TMEM266: variants seen among roughly 807,000 people sequenced by gnomAD.
TMEM266 encodes the protein transmembrane protein 266.
Under a neutral mutation model 50.5 loss-of-function variants are expected in TMEM266, and 33 were observed. The observed-to-expected ratio is 0.65, with a 90% CI of 0.50 to 0.87. The LOEUF (loss-of-function observed/expected upper bound fraction) is 0.87, where lower values mean the gene tolerates loss of function less well. Among genes scored for constraint, TMEM266 ranks in the 40% least tolerant of loss-of-function variants. The pLI is 0.00. For synonymous variants in TMEM266, 310 were observed against 292.3 expected, an observed-to-expected ratio of 1.06 and a Z score of -0.62; for missense variants, 655 against 695.1, an observed-to-expected ratio of 0.94 and a Z score of 0.65.
intron 9 of TMEM266, 29 bp downstream of exon 9, chr15:76,192,186 AGT>A: frequency 7.2e-7 from 1 of 1,388,208 alleles, no homozygotes. Context: ...CCGGCCCCAG[AGT>A]GTCACGGCCG....
chr15:76,144,257 C>G (rs1299871690), intron 3 of TMEM266, among the ~76,000 whole-genome samples: 1 of 152,076 alleles, frequency 6.6e-6, no homozygotes, highest in African/African-American at 2.4e-5. Flanking sequence ...TTTTAACAAG[C>G]ACCTACGTCT....
chr15:76,153,245 A>G lies in TMEM266; in HGVS notation c.228-3359A>G, dbSNP rs1258984965. ...CTCCTGTTGATAGGGAACTGAATAT[A>G]TGGAACTAGTGCTCCTGAATACAAT... On this transcript the variant is annotated intron_variant, in intron 3 of 10. Coordinates refer to ENST00000388942, the MANE Select transcript of TMEM266 (RefSeq NM_152335.3). The surrounding 1 kb of genome is among the most constrained non-coding windows in gnomAD (Gnocchi z 4.2). 2.6e-5 allele frequency among the ~76,000 whole-genome samples: 4 copies of G among 152,150 alleles called. No individual in the cohort carries two copies. Among genetic ancestry groups the G allele is most frequent in the African/African-American group, 9.7e-5 (4 of 41,430 alleles).
intron 1 of TMEM266, among the ~76,000 whole-genome samples, chr15:76,130,394 A>G (rs1384916363): frequency 6.7e-6 from 1 of 149,500 alleles, no homozygotes; most frequent in Non-Finnish European, 1.5e-5. Flanking sequence ...AAAAAAAATT[A>G]GCTGGGCATG....
chr15:76,090,059 G>A (rs1220386353), intron 1 of TMEM266, among the ~76,000 whole-genome samples: 2 of 152,156 alleles, frequency 1.3e-5, no homozygotes, highest in Admixed American at 6.5e-5. Flanking sequence ...TGAAATTCGT[G>A]TGTGACATTT....
intron 1 of TMEM266, among the ~76,000 whole-genome samples, chr15:76,085,210 C>T (rs1334354812): frequency 4.6e-5 from 7 of 151,560 alleles, no homozygotes; most frequent in Middle Eastern, 3.2e-3. Context: ...CTGCCCATCT[C>T]GGCCTCCCAA....
intron 1 of TMEM266, among the ~76,000 whole-genome samples, chr15:76,131,113 AT>A (rs2037504190): frequency 6.6e-6 from 1 of 152,312 alleles, no homozygotes; most frequent in South Asian, 2.1e-4. Context: ...ATGGTGTCTC[AT>A]GCCTGTAATC....
chr15:76,181,305 T>C (rs1315902424), intron 8 of TMEM266: 1 of 152,256 alleles, frequency 6.6e-6, no homozygotes, highest in East Asian at 1.9e-4. Context: ...GCTTCACTGC[T>C]TCCCTCATTC....
intron 1 of TMEM266, among the ~76,000 whole-genome samples, chr15:76,120,181 A>G (rs2142018454): frequency 6.6e-6 from 1 of 152,250 alleles, no homozygotes; most frequent in African/African-American, 2.4e-5. Context: ...TGTGTACAAG[A>G]ATGTTTCTAA....
intron 8 of TMEM266, among the ~76,000 whole-genome samples, chr15:76,184,511 A>C (rs2038466148): frequency 6.6e-6 from 1 of 152,244 alleles, no homozygotes; most frequent in South Asian, 2.1e-4. Context: ...ACTAATGGAA[A>C]TAAACATTGG....
At chr15:76,130,753 G>A (rs1326191048) in intron 1 of TMEM266, among the ~76,000 whole-genome samples, 1 of 152,102 alleles carries the variant, frequency 6.6e-6, no homozygotes, top group African/African-American at 2.4e-5. Context: ...TTGGGTGGTG[G>A]GGAATTAGAG....
At chr15:76,195,314 C>A (rs991529060) in intron 9 of TMEM266, among the ~76,000 whole-genome samples, 1 of 152,128 alleles carries the variant, frequency 6.6e-6, no homozygotes, top group Non-Finnish European at 1.5e-5. Flanking sequence ...ATCTTCAAGC[C>A]GGTAACTGAT....
At chr15:76,092,020 A>G (rs959625277) in intron 1 of TMEM266, among the ~76,000 whole-genome samples, 2 of 151,226 alleles carry the variant, frequency 1.3e-5, no homozygotes, top group Non-Finnish European at 3.0e-5. Context: ...GAAAAGAAAA[A>G]CCTATGGCAA....
rs1428847265 is a variant in TMEM266 at position 76,202,233 on chromosome 15, C to T, written c.990C>T (p.Tyr330=). 2 of 1,613,952 alleles carry T rather than the reference C, an allele frequency of 1.2e-6. No homozygotes were observed. Among genetic ancestry groups the T allele is most frequent in the Admixed American group, 1.7e-5 (1 of 60,006 alleles). The change falls in exon 10 of 11, where the codon TAC becomes TAT. Residue 330 remains tyrosine, a synonymous_variant. Coordinates refer to ENST00000388942, the MANE Select transcript of TMEM266 (RefSeq NM_152335.3). ...CGATGAAGGACGACATGAACAGCTA[C>T]ATCAGTCAGTATTACAATGGGCCCA...
At chr15:76,097,603 T>C (rs1284069177) in intron 1 of TMEM266, among the ~76,000 whole-genome samples, 1 of 151,912 alleles carries the variant, frequency 6.6e-6, no homozygotes, top group East Asian at 1.9e-4. Flanking sequence ...GGAGTATCTT[T>C]GTGGTGTTCT....
chr15:76,194,387 CT>C (rs1249689143), intron 9 of TMEM266, among the ~76,000 whole-genome samples: 4 of 152,220 alleles, frequency 2.6e-5, no homozygotes, highest in Non-Finnish European at 5.9e-5. Context: ...GCAGTCTCCC[CT>C]CCCCCACCAT....
Position 76,175,285 on chromosome 15 carries a change from A to G in TMEM266, c.653-274A>G. 5 of 313,700 alleles carry G rather than the reference A, an allele frequency of 1.6e-5. No homozygotes were observed. The South Asian group carries it at 1.9e-4, about 12-fold the overall frequency. 19.4% of individuals were successfully genotyped at this position (313,700 alleles called of 1,614,324 possible). ...CCATAGCTGCAAAGGAGGCTGGAAA[A>G]TAGTCTTTATTCCAGGCAGCTGTGC... On this transcript the variant is annotated intron_variant, in intron 7 of 10. Transcript: ENST00000388942.
rs1006755102 is a variant in TMEM266, at chr15:76,153,063, C to T, written c.228-3541C>T. On this transcript the variant is annotated intron_variant, in intron 3 of 10. Coordinates refer to ENST00000388942, the MANE Select transcript of TMEM266 (RefSeq NM_152335.3). The surrounding 1 kb of genome is among the most constrained non-coding windows in gnomAD (Gnocchi z 4.2). ...AGGCCAACTATGGGCTGACTTCAGACCACAGGTAACTCCAGACGCCCACCT... is the reference window on the plus strand; with the variant it reads ...AGGCCAACTATGGGCTGACTTCAGATCACAGGTAACTCCAGACGCCCACCT... 6.6e-6 allele frequency among the ~76,000 whole-genome samples: 1 copy of T among 151,952 alleles called. No individual in the cohort carries two copies. The highest frequency in any genetic ancestry group is 1.5e-5 in the Non-Finnish European group (1 of 67,998).
Position 76,175,582 on chromosome 15 carries a change from G to C in TMEM266, c.676G>C (p.Glu226Gln). Residue 226 changes from glutamate to glutamine, a missense_variant, in exon 8 of 11, where the codon GAG becomes CAG. Coordinates refer to ENST00000388942, the MANE Select transcript of TMEM266 (RefSeq NM_152335.3). ...AGCCTACGTCCTGCCAGTGAAGCTG[G>C]AGATGGAGATGGTTATCCAGCAGTA... is the stretch of plus-strand genomic sequence containing the variant. 1.2e-6 allele frequency: 2 copies of C among 1,614,140 alleles called. No homozygotes were observed. Among genetic ancestry groups the C allele is most frequent in the Non-Finnish European group, 1.7e-6 (2 of 1,179,998 alleles).
At chr15:76,095,339 G>A (rs1281756048) in intron 1 of TMEM266, among the ~76,000 whole-genome samples, 2 of 151,968 alleles carry the variant, frequency 1.3e-5, no homozygotes, top group African/African-American at 2.4e-5. Flanking sequence ...GTTGAATTTT[G>A]TCAAAGGCCT....
Sources: gnomAD v4.1 joint callset for allele counts (sites outside exome capture counted in the v4.1 genomes callset) on GRCh38, gnomAD v4.1.1 for gene constraint, Gnocchi (gnomAD v3.1) non-coding constraint, MANE v1.5 for transcripts, NCBI Gene and HGNC (gene_info 2026-07-23, HGNC 2026-07-21) for gene names.